The following SLC28A1 variants were observed in gnomAD, a reference collection of about 807,000 sequenced individuals.
The protein encoded by SLC28A1 is sodium/nucleoside cotransporter 1.
A neutral mutation model predicts 74.8 loss-of-function variants in SLC28A1; 64 were observed. That is an observed-to-expected ratio of 0.86 (90% CI 0.70 to 1.05). SLC28A1 has a LOEUF of 1.05. Among genes scored for constraint, SLC28A1 ranks in the 50% least tolerant of loss-of-function variants. The pLI is 0.00. For missense variants in SLC28A1, 828 were observed against 822.8 expected, an observed-to-expected ratio of 1.01 and a Z score of -0.08; for synonymous variants, 359 against 335.0, an observed-to-expected ratio of 1.07 and a Z score of -0.78.
chr15:84,895,210 A>G (rs1965851636), intron 6 of SLC28A1, 87 bp downstream of exon 6: 2 of 1,583,286 alleles, frequency 1.3e-6, no homozygotes, highest in Non-Finnish European at 1.7e-6. Context: ...GGGCTGGAGG[A>G]GGAGGAAGGC....
At chr15:84,928,337 C>T (rs1379265673) in intron 12 of SLC28A1, among the ~76,000 whole-genome samples, 1 of 151,796 alleles carries the variant, frequency 6.6e-6, no homozygotes, top group African/African-American at 2.4e-5. Context: ...CTGGGTCTGC[C>T]CCAGTCTTTT....
At chr15:84,922,828 G>T (rs752924533) in intron 11 of SLC28A1, among the ~76,000 whole-genome samples, 1 of 152,172 alleles carries the variant, frequency 6.6e-6, no homozygotes, top group African/African-American at 2.4e-5. Flanking sequence ...TCTGCTATTC[G>T]CTTGCCTGGA....
At chr15:84,957,259 G>GT in the SLC28A1 span, among the ~76,000 whole-genome samples, 2 of 151,896 alleles carry the variant, frequency 1.3e-5, no homozygotes, top group Non-Finnish European at 2.9e-5. Flanking sequence ...TTTTTTGTTT[G>GT]TTTGTTTTGT....
the SLC28A1 span, among the ~76,000 whole-genome samples, chr15:84,975,273 G>A: frequency 9.9e-5 from 15 of 152,132 alleles, no homozygotes; most frequent in South Asian, 2.1e-4. Context: ...GAACTGTTTC[G>A]TCTTAATGAC....
At chr15:84,956,666 CT>C in the SLC28A1 span, among the ~76,000 whole-genome samples, 34,604 of 134,224 alleles carry the variant, frequency 0.26, 5,180 homozygotes, top group Non-Finnish European at 0.34. Context: ...CTAATTTTTA[CT>C]TTTTTTTTTT....
At chr15:84,915,990 C>G (rs1005713602) in intron 9 of SLC28A1, among the ~76,000 whole-genome samples, 1 of 151,808 alleles carries the variant, frequency 6.6e-6, no homozygotes, top group Admixed American at 6.6e-5. Flanking sequence ...TAGACAGGGT[C>G]TCACTCTGTC....
intron 7 of SLC28A1, among the ~76,000 whole-genome samples, chr15:84,904,470 C>G (rs759340824): frequency 1.3e-5 from 2 of 152,152 alleles, no homozygotes; most frequent in South Asian, 2.1e-4. Flanking sequence ...ACATTTGTTT[C>G]CTTGGTGACA....
chr15:84,895,049 A>G lies in SLC28A1; in HGVS notation c.387A>G (p.Lys129=), dbSNP rs753005060. 1 of 1,613,142 alleles carries G rather than the reference A, an allele frequency of 6.2e-7. No homozygotes were observed. The highest frequency in any genetic ancestry group is 1.1e-5 in the South Asian group (1 of 91,068). The change falls in exon 6 of 19, where the codon AAA becomes AAG. Residue 129 remains lysine, a synonymous_variant. Transcript: ENST00000394573. ...VLTFLGHRLL[K]RLLGPKLRRF... ...CCTTCCTGGGCCACCGCCTGCTGAA[A>G]CGGCTTCTGGGGCCAAAGCTGAGGA...
At chr15:84,921,491 T>A (rs1969829831) in intron 11 of SLC28A1, among the ~76,000 whole-genome samples, 1 of 152,158 alleles carries the variant, frequency 6.6e-6, no homozygotes, top group Non-Finnish European at 1.5e-5. Flanking sequence ...CTTTTCTCCC[T>A]CTTTCTTAAA....
downstream of SLC28A1, among the ~76,000 whole-genome samples, chr15:84,950,359 CTTTTTTTT>C (rs571049176): frequency 1.2e-4 from 15 of 127,574 alleles, no homozygotes; most frequent in African/African-American, 1.4e-4. Flanking sequence ...CGCCAGTCTC[CTTTTTTTT>C]TTTTTTTTTT....
chr15:84,928,518 G>GGTTCGTTC (rs141295230), intron 12 of SLC28A1, among the ~76,000 whole-genome samples: 799 of 34,086 alleles, frequency 0.023, 161 homozygotes, highest in Middle Eastern at 0.1. Context: ...CAAGCTCCCA[G>GGTTCGTTC]GTTCGTTCGT....
intron 6 of SLC28A1, among the ~76,000 whole-genome samples, chr15:84,899,856 G>C (rs1034726603): frequency 6.6e-6 from 1 of 151,618 alleles, no homozygotes; most frequent in African/African-American, 2.4e-5. Context: ...TCGCGCCACT[G>C]ACTGCTGCCT....
intron 8 of SLC28A1, among the ~76,000 whole-genome samples, chr15:84,906,015 G>GT (rs1967049126): frequency 3.7e-5 from 4 of 107,306 alleles, no homozygotes; most frequent in Non-Finnish European, 6.1e-5. Context: ...ATACATTTTT[G>GT]TTCTTTTTTT....
At chr15:84,909,339 C>T (rs1311240728) in intron 9 of SLC28A1, among the ~76,000 whole-genome samples, 1 of 152,246 alleles carries the variant, frequency 6.6e-6, no homozygotes, top group Non-Finnish European at 1.5e-5. Context: ...TCCCTCCCTC[C>T]CAGCCTCCAT....
At chr15:84,932,819 G>C (rs763738982) in intron 12 of SLC28A1, among the ~76,000 whole-genome samples, 4 of 152,244 alleles carry the variant, frequency 2.6e-5, no homozygotes, top group Admixed American at 6.5e-5. Flanking sequence ...GATGTGATAG[G>C]CTCTAATTCC....
intron 11 of SLC28A1, 114 bp downstream of exon 11, chr15:84,921,183 T>C (rs1276912297): frequency 2.5e-6 from 2 of 810,558 alleles, no homozygotes; most frequent in Non-Finnish European, 4.2e-6. Flanking sequence ...TTGAACCTTC[T>C]CCCAGGGTCA....
chr15:84,950,957 C>T, the SLC28A1 span, among the ~76,000 whole-genome samples: 7 of 152,126 alleles, frequency 4.6e-5, no homozygotes, highest in African/African-American at 1.2e-4. Context: ...GGCTGTGTTC[C>T]GATAAAGCCT....
At chr15:84,938,056 C>G (rs903915931) in intron 15 of SLC28A1, among the ~76,000 whole-genome samples, 5 of 151,992 alleles carry the variant, frequency 3.3e-5, no homozygotes, top group Non-Finnish European at 7.4e-5. Flanking sequence ...AAAAATTAGC[C>G]AGGTGTGGTG....
At chr15:84,933,403 C>T in intron 13 of SLC28A1, 128 bp downstream of exon 13, 1 of 1,212,602 alleles carries the variant, frequency 8.2e-7, no homozygotes, top group Non-Finnish European at 1.2e-6. Flanking sequence ...ACTTTTCCTG[C>T]TCTGGTTTGG....
Sources: gnomAD v4.1 joint callset for allele counts (sites outside exome capture counted in the v4.1 genomes callset) on GRCh38, gnomAD v4.1.1 for gene constraint, MANE v1.5 for transcripts, NCBI Gene and HGNC (gene_info 2026-07-23, HGNC 2026-07-21) for gene names.